The following DLG2 variants were observed in gnomAD, a reference collection of about 807,000 sequenced individuals.
DLG2 encodes the protein disks large homolog 2.
Under a neutral mutation model 132.5 loss-of-function variants are expected in DLG2, and 45 were observed. The ratio of observed to expected loss-of-function variants is 0.34; its 90% CI spans 0.27 to 0.44. The LOEUF (loss-of-function observed/expected upper bound fraction) is 0.44, where lower values mean the gene tolerates loss of function less well. DLG2 is among the 20% of genes least tolerant of loss of function. The pLI is 1.00. For missense variants in DLG2, 1,045 were observed against 1,196.9 expected, an observed-to-expected ratio of 0.87 and a Z score of 1.87; for synonymous variants, 424 against 419.6, an observed-to-expected ratio of 1.01 and a Z score of -0.13.
At chr11:84,629,074 GA>G (rs2099627493) in intron 6 of DLG2, among the ~76,000 whole-genome samples, 1 of 152,170 alleles carries the variant, frequency 6.6e-6, no homozygotes, top group Non-Finnish European at 1.5e-5. Flanking sequence ...TGCACAGCAT[GA>G]ATCCTTCCTT....
At chr11:83,967,285 T>C (rs1351764238) in intron 12 of DLG2, among the ~76,000 whole-genome samples, 1 of 152,090 alleles carries the variant, frequency 6.6e-6, no homozygotes. Flanking sequence ...GGTAAATCTA[T>C]TTTTAATTTA....
At position 83,511,073 on chromosome 11, in the gene DLG2, AACACACACACACAGACACACACACAC is replaced by A. The variant is rs1286521071; in HGVS notation, c.2193+21609_2193+21634del. On this transcript the variant is annotated intron_variant, in intron 21 of 27. Coordinates refer to ENST00000376104, the MANE Select transcript of DLG2 (RefSeq NM_001142699.3). ...TCTCTGTCTTCCTCTCACTTGCTCA[AACACACACACACAGACACACACACAC>A]ACACACACACACACATTCTTTTCTA... Among the ~76,000 whole-genome samples, 482 of 88,474 alleles carry A rather than the reference AACACACACACACAGACACACACACAC, an allele frequency of 5.4e-3. 5 individuals carry two copies. Among genetic ancestry groups the A allele is most frequent in the African/African-American group, 0.018 (450 of 25,152 alleles). The allele number at this position is 88,474 out of a possible 152,430, so 58.0% of individuals were successfully genotyped here.
At chr11:85,427,460 G>T (rs1260992030) in intron 3 of DLG2, among the ~76,000 whole-genome samples, 1 of 152,178 alleles carries the variant, frequency 6.6e-6, no homozygotes, top group Non-Finnish European at 1.5e-5. Context: ...GAAGAGAGTG[G>T]GGGCCAATAT....
At chr11:85,478,856 C>A (rs1331198506) in intron 3 of DLG2, among the ~76,000 whole-genome samples, 1 of 152,032 alleles carries the variant, frequency 6.6e-6, no homozygotes, top group Non-Finnish European at 1.5e-5. Context: ...AATTGTGAAT[C>A]CTTAATGCAT....
At position 85,598,646 on chromosome 11, in the gene DLG2, A is replaced by G. The variant is rs1220214915; in HGVS notation, c.40+11T>C. 2 of 1,547,986 alleles carry G rather than the reference A, an allele frequency of 1.3e-6. No individual in the cohort carries two copies. Among genetic ancestry groups the G allele is most frequent in the Non-Finnish European group, 8.7e-7 (1 of 1,150,908 alleles). On this transcript the variant is annotated intron_variant, in intron 3 of 27. Transcript: ENST00000376104. The stretch of plus-strand genomic sequence containing the variant: ...ACCATTAAAATGATGAATAACTTTC[A>G]TAATACATACCTAGCAAAGCTTGGA...
rs1418232024 is a variant in DLG2 at position 83,754,361 on chromosome 11, A to C, written c.1825+32329T>G. Reference sequence around the variant, plus strand: ...TTGCATTAAATGTCAAGTATATCCAATAAGAGGATTAGAATTGCAAATAAT... The same window carrying C: ...TTGCATTAAATGTCAAGTATATCCACTAAGAGGATTAGAATTGCAAATAAT... On this transcript the variant is annotated intron_variant, in intron 18 of 27. Transcript: ENST00000376104. 4.6e-5 allele frequency among the ~76,000 whole-genome samples: 7 copies of C among 151,216 alleles called. 1 individual carries two copies. The highest frequency in any genetic ancestry group is 1.2e-4 in the African/African-American group (5 of 40,538).
intron 11 of DLG2, among the ~76,000 whole-genome samples, chr11:84,048,132 T>C (rs993505766): frequency 7.9e-5 from 12 of 151,326 alleles, no homozygotes; most frequent in African/African-American, 2.9e-4. Flanking sequence ...ATTTATCAAA[T>C]ATGGTGTCCT....
At chr11:83,649,430 A>G (rs997629737) in intron 18 of DLG2, among the ~76,000 whole-genome samples, 1 of 152,112 alleles carries the variant, frequency 6.6e-6, no homozygotes, top group African/African-American at 2.4e-5. Context: ...TGCCATCACT[A>G]ATGACTCAGC....
chr11:85,217,166 AT>A (rs570012222), intron 4 of DLG2, among the ~76,000 whole-genome samples: 37 of 152,238 alleles, frequency 2.4e-4, no homozygotes, highest in Admixed American at 5.9e-4. Context: ...TAAAATTATA[AT>A]TTTTTTAAAA....
intron 7 of DLG2, among the ~76,000 whole-genome samples, chr11:84,427,415 G>A (rs1251741258): frequency 6.6e-6 from 1 of 152,036 alleles, no homozygotes; most frequent in Non-Finnish European, 1.5e-5. Context: ...ATTTGCTCAA[G>A]GTCACCCAAC....
chr11:85,042,052 A>G (rs188609873), intron 6 of DLG2, among the ~76,000 whole-genome samples: 12 of 152,034 alleles, frequency 7.9e-5, no homozygotes, highest in Non-Finnish European at 1.5e-4. Context: ...CATGTAACCA[A>G]AATCACTTTT....
chr11:85,097,410 C>T (rs1407628329), intron 6 of DLG2, among the ~76,000 whole-genome samples: 2 of 152,130 alleles, frequency 1.3e-5, no homozygotes, highest in Non-Finnish European at 2.9e-5. Flanking sequence ...TTGGCTTCAC[C>T]TCTCAGTACC....
intron 4 of DLG2, among the ~76,000 whole-genome samples, chr11:85,242,219 C>T (rs1249153662): frequency 6.6e-6 from 1 of 151,982 alleles, no homozygotes; most frequent in African/African-American, 2.4e-5. Context: ...GTTAAACCAT[C>T]GTCTTCTTGC....
chr11:85,568,014 ATTT>A (rs35453793), intron 3 of DLG2, among the ~76,000 whole-genome samples: 3 of 135,934 alleles, frequency 2.2e-5, no homozygotes, highest in Non-Finnish European at 3.2e-5. Context: ...GTGCTACTAG[ATTT>A]TTTTTTTTTT....
chr11:83,998,468 A>G (rs548990318), intron 11 of DLG2, among the ~76,000 whole-genome samples: 28 of 152,316 alleles, frequency 1.8e-4, no homozygotes, highest in Non-Finnish European at 3.7e-4. Context: ...CAGAAAAGTG[A>G]CACAAAATAC....
At chr11:83,740,425 T>C (rs1301337750) in intron 18 of DLG2, among the ~76,000 whole-genome samples, 1 of 152,212 alleles carries the variant, frequency 6.6e-6, no homozygotes, top group Non-Finnish European at 1.5e-5. Context: ...ACTATATGAT[T>C]ATATTTATTT....
rs373432377 is a variant in DLG2, at chr11:84,843,744, T to A, written c.357+267917A>T. Among the ~76,000 whole-genome samples, 5 of 151,882 alleles carry A rather than the reference T, an allele frequency of 3.3e-5. No homozygotes were observed. In the South Asian group the frequency reaches 1.0e-3, roughly 31 times the overall value. On this transcript the variant is annotated intron_variant, in intron 6 of 27. Coordinates refer to ENST00000376104, the MANE Select transcript of DLG2 (RefSeq NM_001142699.3). ...TTATACTGCATTGTTTAGGGAATGA[T>A]GACAAGAAAAAAAGTCTATACATGT...
At chr11:83,478,947 AT>A (rs908974382) in intron 22 of DLG2, among the ~76,000 whole-genome samples, 1 of 151,740 alleles carries the variant, frequency 6.6e-6, no homozygotes, top group East Asian at 1.9e-4. Flanking sequence ...GGAGAGGCAA[AT>A]TTTTTTTCTG....
intron 16 of DLG2, among the ~76,000 whole-genome samples, chr11:83,851,264 G>C (rs543468812): frequency 6.6e-6 from 1 of 152,188 alleles, no homozygotes; most frequent in Admixed American, 6.5e-5. Context: ...GCAGATGTTA[G>C]ATGTTAAGAA....
Sources: allele counts gnomAD v4.1 joint callset (sites outside exome capture counted in the v4.1 genomes callset), GRCh38; gene constraint gnomAD v4.1.1; transcripts MANE v1.5; gene names NCBI Gene and HGNC (gene_info 2026-07-23, HGNC 2026-07-21).